The following LINGO2 variants were observed in gnomAD, a reference collection of about 807,000 sequenced individuals.
LINGO2 encodes the protein leucine-rich repeat and immunoglobulin-like domain-containing nogo receptor-interacting protein 2.
A neutral mutation model predicts 30.6 loss-of-function variants in LINGO2; 14 were observed. That is an observed-to-expected ratio of 0.46 (90% CI 0.30 to 0.72). LINGO2 has a LOEUF of 0.72. Among genes scored for constraint, LINGO2 ranks in the 30% least tolerant of loss-of-function variants. The pLI is 0.07. For synonymous variants in LINGO2, 317 were observed against 288.5 expected (o/e 1.10, Z -1.00); for missense variants, 729 against 751.7 (o/e 0.97, Z 0.35).
chr9:28,045,077 T>C (rs1338919101), intron 4 of LINGO2, among the ~76,000 whole-genome samples: 1 of 151,790 alleles, frequency 6.6e-6, no homozygotes, highest in African/African-American at 2.4e-5. Context: ...AGTCAGGCAA[T>C]ATAATAGAAG....
chr9:28,433,945 C>CTATATATATATATATATATA (rs1305896597), intron 2 of LINGO2, among the ~76,000 whole-genome samples: 14 of 57,288 alleles, frequency 2.4e-4, no homozygotes, highest in African/African-American at 6.2e-4. Context: ...CTCTCTCTCT[C>CTATATATATATATATATATA]TCTCTATATA....
the LINGO2 span, among the ~76,000 whole-genome samples, chr9:28,773,547 G>A: frequency 6.6e-6 from 1 of 152,210 alleles, no homozygotes; most frequent in Admixed American, 6.5e-5. Flanking sequence ...CCATTAAATG[G>A]TGGGCTGCAT....
chr9:28,366,730 T>TTAGAA (rs10646515), intron 3 of LINGO2, among the ~76,000 whole-genome samples: 3 of 151,464 alleles, frequency 2.0e-5, no homozygotes, highest in Admixed American at 6.6e-5. Context: ...GTATGTAAAG[T>TTAGAA]TAAATTATAA....
the LINGO2 span, among the ~76,000 whole-genome samples, chr9:29,069,962 G>C: frequency 6.6e-6 from 1 of 152,000 alleles, no homozygotes; most frequent in South Asian, 2.1e-4. Context: ...GATAGTTATT[G>C]CTAAATAGAT....
At chr9:28,127,754 C>T (rs1274520798) in intron 4 of LINGO2, among the ~76,000 whole-genome samples, 2 of 152,092 alleles carry the variant, frequency 1.3e-5, no homozygotes, top group Non-Finnish European at 2.9e-5. Flanking sequence ...ACAGCAATTC[C>T]CAGGTAGGAA....
the LINGO2 span, chr9:27,942,710 T>C: frequency 1.3e-5 from 2 of 151,982 alleles, no homozygotes; most frequent in African/African-American, 4.8e-5. Context: ...AAAACACAGA[T>C]ACACATTCTG....
chr9:29,155,898 A>G, the LINGO2 span, among the ~76,000 whole-genome samples: 1 of 152,082 alleles, frequency 6.6e-6, no homozygotes, highest in African/African-American at 2.4e-5. Context: ...AACTAAAATG[A>G]AAACAAACAA....
chr9:28,797,303 G>A, the LINGO2 span, among the ~76,000 whole-genome samples: 2 of 135,222 alleles, frequency 1.5e-5, no homozygotes, highest in African/African-American at 5.4e-5. Context: ...TATATATACA[G>A]CAATGTATAT....
At chr9:28,983,918 C>T in the LINGO2 span, among the ~76,000 whole-genome samples, 1 of 152,128 alleles carries the variant, frequency 6.6e-6, no homozygotes, top group South Asian at 2.1e-4. Flanking sequence ...AGTCTATCAT[C>T]CTTGGTCTGT....
rs191564952 is a variant in LINGO2, at chr9:28,500,722, A to G, written c.-364-24697T>C. Among the ~76,000 whole-genome samples, 567 of 152,198 alleles carry G rather than the reference A, an allele frequency of 3.7e-3. 5 individuals are homozygous for G. The highest frequency in any genetic ancestry group is 0.013 in the African/African-American group (526 of 41,570). On this transcript the variant is annotated intron_variant, in intron 1 of 5. Coordinates refer to ENST00000379992, the Ensembl canonical transcript of LINGO2. ...GAGATCATGGAAGAGATGATTTTTT[A>G]ATTAAAAAAGATATACAGTATCCCC... is the stretch of plus-strand genomic sequence containing the variant.
intron 5 of LINGO2, among the ~76,000 whole-genome samples, chr9:27,991,228 G>GCAACAA (rs200988657): frequency 7.2e-5 from 11 of 151,798 alleles, no homozygotes; most frequent in African/African-American, 2.4e-4. Flanking sequence ...ACAATGAACG[G>GCAACAA]CAACAACAAC....
the LINGO2 span, among the ~76,000 whole-genome samples, chr9:29,165,457 G>C: frequency 1.8e-3 from 277 of 151,922 alleles, 2 homozygotes; most frequent in South Asian, 0.01. Context: ...TTCCCCCATG[G>C]ATTTGATACT....
chr9:28,452,661 T>C (rs1010105864), intron 2 of LINGO2, among the ~76,000 whole-genome samples: 2 of 151,844 alleles, frequency 1.3e-5, no homozygotes, highest in Non-Finnish European at 2.9e-5. Context: ...AGTGATTGCA[T>C]ACAAGAAGTG....
chr9:28,915,001 A>G, the LINGO2 span, among the ~76,000 whole-genome samples: 1 of 151,954 alleles, frequency 6.6e-6, no homozygotes, highest in African/African-American at 2.4e-5. Context: ...GCATGGTGGC[A>G]CACGCCTGTA....
At chr9:28,354,141 T>G (rs1272737908) in intron 3 of LINGO2, among the ~76,000 whole-genome samples, 3 of 151,540 alleles carry the variant, frequency 2.0e-5, no homozygotes, top group African/African-American at 7.3e-5. Context: ...ACCCTAAAAC[T>G]TAAAGTTAAT....
intron 2 of LINGO2, among the ~76,000 whole-genome samples, chr9:28,438,223 G>T (rs1824032979): frequency 6.6e-6 from 1 of 152,158 alleles, no homozygotes; most frequent in African/African-American, 2.4e-5. Flanking sequence ...GCTAAAGGTT[G>T]CCCAGATAGC....
intron 2 of LINGO2, among the ~76,000 whole-genome samples, chr9:28,426,533 C>CATT (rs1222329232): frequency 6.6e-6 from 1 of 152,038 alleles, no homozygotes; most frequent in Non-Finnish European, 1.5e-5. Context: ...GCAATCAAAA[C>CATT]ATTGTTTGTT....
the LINGO2 span, among the ~76,000 whole-genome samples, chr9:29,114,673 G>A: frequency 6.7e-6 from 1 of 150,098 alleles, no homozygotes; most frequent in Non-Finnish European, 1.5e-5. Context: ...TTGTCCTTGC[G>A]ATAGTTTACT....
chr9:28,156,101 T>C (rs1184768959), intron 4 of LINGO2, among the ~76,000 whole-genome samples: 1 of 152,240 alleles, frequency 6.6e-6, no homozygotes, highest in Non-Finnish European at 1.5e-5. Context: ...AAGATCATTA[T>C]TGAGACAAGT....
Sources: gnomAD v4.1 joint callset for allele counts (sites outside exome capture counted in the v4.1 genomes callset) on GRCh38, gnomAD v4.1.1 for gene constraint, MANE v1.5 for transcripts, NCBI Gene and HGNC (gene_info 2026-07-23, HGNC 2026-07-21) for gene names.